RCAN2: variants seen among roughly 807,000 people sequenced by gnomAD.
The protein encoded by RCAN2 is regulator of calcineurin 2, also known as calcipressin-2.
RCAN2 carries 9 observed loss-of-function variants against 23.6 expected under a neutral mutation model. That is an observed-to-expected ratio of 0.38 (90% CI 0.23 to 0.67). RCAN2 has a LOEUF of 0.67. RCAN2 is among the 30% of genes least tolerant of loss of function. The pLI is 0.51. For missense variants in RCAN2, 273 were observed against 302.3 expected (o/e 0.90, Z 0.72); for synonymous variants, 109 against 115.7 (o/e 0.94, Z 0.37).
intron 3 of RCAN2, 95 bp from the exon 4 acceptor site, chr6:46,247,014 A>G (rs768204037): frequency 4.7e-6 from 5 of 1,063,986 alleles, no homozygotes; most frequent in Non-Finnish European, 6.7e-6. Context: ...TCAGCCTGCG[A>G]CAAATGAACC....
chr6:46,250,247 A>G (rs1223366718), intron 2 of RCAN2, among the ~76,000 whole-genome samples: 1 of 152,228 alleles, frequency 6.6e-6, no homozygotes, highest in Non-Finnish European at 1.5e-5. Flanking sequence ...AAGAAAAAAT[A>G]TATAGGCATT....
chr6:46,336,817 G>A (rs1343920974), intron 2 of RCAN2, among the ~76,000 whole-genome samples: 1 of 152,190 alleles, frequency 6.6e-6, no homozygotes, highest in African/African-American at 2.4e-5. Flanking sequence ...CGGAGATGCA[G>A]TAGTAATATA....
Position 46,434,427 on chromosome 6 carries a change from C to T in RCAN2, c.225+22325G>A, listed in dbSNP as rs138643522. On this transcript the variant is annotated intron_variant, in intron 2 of 4. Transcript: ENST00000371374. ...AACACTCTGGGGAGACCTTACATGA[C>T]AGTTTTTTTTGGAATGAGGAAGGAA... is the stretch of plus-strand genomic sequence containing the variant. Among the ~76,000 whole-genome samples the T allele has an allele frequency of 3.8e-4, 58 of 152,098 alleles. 2 individuals carry two copies. In the East Asian group the frequency reaches 9.9e-3, roughly 26 times the overall value.
At chr6:46,355,468 ATCT>A (rs373953739) in intron 2 of RCAN2, among the ~76,000 whole-genome samples, 2 of 152,192 alleles carry the variant, frequency 1.3e-5, no homozygotes, top group African/African-American at 2.4e-5. Context: ...AGCCCTTGAC[ATCT>A]TCTTCTATAA....
intron 1 of RCAN2, among the ~76,000 whole-genome samples, chr6:46,489,410 C>A (rs918618159): frequency 9.9e-5 from 15 of 152,228 alleles, no homozygotes; most frequent in African/African-American, 3.6e-4. Flanking sequence ...CTACAAAGCA[C>A]ACAGGAGGTG....
chr6:46,267,981 G>C (rs886601710), intron 2 of RCAN2, among the ~76,000 whole-genome samples: 8 of 151,862 alleles, frequency 5.3e-5, no homozygotes, highest in Non-Finnish European at 1.0e-4. Flanking sequence ...TTATATAAAA[G>C]TAACAAAAGC....
intron 2 of RCAN2, among the ~76,000 whole-genome samples, chr6:46,249,223 A>T (rs958983395): frequency 6.6e-6 from 1 of 151,904 alleles, no homozygotes; most frequent in Non-Finnish European, 1.5e-5. Flanking sequence ...AAAGAAGTTC[A>T]TTATCTCCAA....
intron 2 of RCAN2, among the ~76,000 whole-genome samples, chr6:46,282,568 T>A (rs1466916555): frequency 2.6e-5 from 4 of 152,208 alleles, no homozygotes; most frequent in Non-Finnish European, 4.4e-5. Flanking sequence ...TCTGAAAAGA[T>A]GACCCTCTAT....
At chr6:46,444,184 T>G (rs1224790128) in intron 2 of RCAN2, among the ~76,000 whole-genome samples, 23 of 152,184 alleles carry the variant, frequency 1.5e-4, no homozygotes, top group Admixed American at 1.4e-3. Context: ...TTTTACAATT[T>G]AAGCTCCCTG....
intron 2 of RCAN2, among the ~76,000 whole-genome samples, chr6:46,300,939 G>A (rs796145892): frequency 6.6e-6 from 1 of 151,308 alleles, no homozygotes; most frequent in South Asian, 2.1e-4. Context: ...CTAAGATTGT[G>A]GCAACTAAAG....
chr6:46,228,427 G>A (rs1246694099), intron 4 of RCAN2, among the ~76,000 whole-genome samples: 5 of 151,922 alleles, frequency 3.3e-5, no homozygotes, highest in African/African-American at 4.8e-5. Flanking sequence ...TTTTAGGTCT[G>A]TAAGGACTTG....
intron 2 of RCAN2, among the ~76,000 whole-genome samples, chr6:46,263,493 G>GTGTA (rs1767195533): frequency 8.1e-6 from 1 of 124,146 alleles, no homozygotes; most frequent in Admixed American, 7.9e-5. Context: ...GTGTGTGTGT[G>GTGTA]TATGTGTGTA....
chr6:46,234,708 A>G (rs1766028507), intron 4 of RCAN2, among the ~76,000 whole-genome samples: 1 of 152,246 alleles, frequency 6.6e-6, no homozygotes, highest in South Asian at 2.1e-4. Flanking sequence ...CTTTCAGCCA[A>G]TTAAATGAAA....
At chr6:46,397,219 G>A (rs2096742672) in intron 2 of RCAN2, among the ~76,000 whole-genome samples, 1 of 152,132 alleles carries the variant, frequency 6.6e-6, no homozygotes, top group South Asian at 2.1e-4. Flanking sequence ...GCAAAATATA[G>A]AGATAGAAAT....
chr6:46,367,657 T>C (rs1276012793), intron 2 of RCAN2, among the ~76,000 whole-genome samples: 2 of 152,234 alleles, frequency 1.3e-5, no homozygotes, highest in East Asian at 3.8e-4. Context: ...TTACACATCA[T>C]CTTTTAAACT....
At chr6:46,445,865 T>C (rs1447317079) in intron 2 of RCAN2, among the ~76,000 whole-genome samples, 1 of 152,054 alleles carries the variant, frequency 6.6e-6, no homozygotes, top group East Asian at 1.9e-4. Context: ...TGAAAATATA[T>C]AGTCAGACGA....
intron 4 of RCAN2, among the ~76,000 whole-genome samples, chr6:46,230,931 G>A (rs761137583): frequency 4.6e-5 from 7 of 152,186 alleles, no homozygotes; most frequent in South Asian, 2.1e-4. Flanking sequence ...GGGTGCTGAC[G>A]TTAGGGAATG....
At chr6:46,424,265 T>C (rs1766972663) in intron 2 of RCAN2, among the ~76,000 whole-genome samples, 1 of 152,200 alleles carries the variant, frequency 6.6e-6, no homozygotes, top group Non-Finnish European at 1.5e-5. Flanking sequence ...AATATTATCA[T>C]CACATTCATG....
At chr6:46,412,734 CTT>C (rs1664673054) in intron 2 of RCAN2, among the ~76,000 whole-genome samples, 1 of 152,074 alleles carries the variant, frequency 6.6e-6, no homozygotes. Flanking sequence ...GTTGTGATTG[CTT>C]TGATGAGAGC....
Sources: allele counts gnomAD v4.1 joint callset (sites outside exome capture counted in the v4.1 genomes callset), GRCh38; gene constraint gnomAD v4.1.1; transcripts MANE v1.5; gene names NCBI Gene and HGNC (gene_info 2026-07-23, HGNC 2026-07-21).